DGKE: variants seen among roughly 807,000 people sequenced by gnomAD.
DGKE encodes the protein diacylglycerol kinase epsilon.
A neutral mutation model predicts 70.0 loss-of-function variants in DGKE; 53 were observed. The ratio of observed to expected loss-of-function variants is 0.76; its 90% CI spans 0.61 to 0.95. The LOEUF is 0.95. Ranked by LOEUF, DGKE falls within the 40% of genes least tolerant of loss-of-function variation. The probability of loss-of-function intolerance (pLI) is 0.00; values close to 1 mark genes in which losing one functional copy is unlikely to be tolerated. For synonymous variants in DGKE, 291 were observed against 257.0 expected (o/e 1.13, Z -1.27); for missense variants, 655 against 706.9 (o/e 0.93, Z 0.83).
intron 5 of DGKE, 52 bp downstream of exon 5, chr17:56,848,117 T>G: frequency 1.2e-6 from 1 of 828,124 alleles, no homozygotes; most frequent in Non-Finnish European, 1.5e-6. Context: ...AAATATACTA[T>G]ACATATATAT....
Position 56,848,050 on chromosome 17 carries a change from T to TC in DGKE, c.873_874insC (p.Asp292ArgfsTer5). On this transcript the variant is annotated frameshift_variant, in exon 5 of 12. Coordinates refer to ENST00000284061, the MANE Select transcript of DGKE (RefSeq NM_003647.3). LOFTEE classifies it high-confidence loss of function. ...TAGGGTGGGTCCTGGATGCAGTTGA[T>TC]GACATGAAGATTAAGGTATTAGTCT... 6.4e-7 allele frequency: 1 copy of TC among 1,569,648 alleles called. No homozygotes were observed. The highest frequency in any genetic ancestry group is 8.6e-7 in the Non-Finnish European group (1 of 1,159,114).
At position 56,862,742 on chromosome 17, in the gene DGKE, A is replaced by G. The variant is rs149958932; in HGVS notation, c.1655A>G (p.Asp552Gly). ...TATTTCTCTGGAGAACAAACAGATG[A>G]TGACATCTCTAGTACTTCGGATCAA... is the stretch of plus-strand genomic sequence containing the variant. ...MLYFSGEQTD[D>G]DISSTSDQED... Residue 552 changes from aspartate (D) to glycine (G), a missense_variant, in exon 12 of 12, where the codon GAT (aspartate) becomes GGT (glycine). By Grantham distance (94) the Asp-to-Gly change is moderately conservative. Transcript: ENST00000284061. 493 of 1,607,372 alleles carry G rather than the reference A, an allele frequency of 3.1e-4. No individual in the cohort carries two copies. Among genetic ancestry groups the G allele is most frequent in the Non-Finnish European group, 3.9e-4 (460 of 1,178,206 alleles).
chr17:56,842,593 G>A (rs1355480193), intron 2 of DGKE, among the ~76,000 whole-genome samples: 2 of 152,206 alleles, frequency 1.3e-5, no homozygotes, highest in African/African-American at 4.8e-5. Flanking sequence ...CTCTGTAACA[G>A]ATTATGCAGA....
intron 7 of DGKE, among the ~76,000 whole-genome samples, chr17:56,850,200 A>G (rs932278360): frequency 5.3e-5 from 8 of 151,546 alleles, no homozygotes; most frequent in African/African-American, 1.9e-4. Flanking sequence ...ATGACAGCTC[A>G]CTGCAGCCTC....
At chr17:56,836,684 G>A (rs1906643044) in intron 2 of DGKE, among the ~76,000 whole-genome samples, 1 of 152,084 alleles carries the variant, frequency 6.6e-6, no homozygotes, top group Non-Finnish European at 1.5e-5. Flanking sequence ...GCTCCCCATC[G>A]GGTAAGCTGA....
intron 7 of DGKE, among the ~76,000 whole-genome samples, chr17:56,855,707 G>C (rs1032464593): frequency 2.6e-5 from 4 of 152,134 alleles, no homozygotes; most frequent in Non-Finnish European, 5.9e-5. Context: ...GTTTAGAGAA[G>C]ATTAGCAAGT....
chr17:56,856,677 A>C, intron 8 of DGKE, 52 bp downstream of exon 8: 1 of 1,552,290 alleles, frequency 6.4e-7, no homozygotes. Context: ...TACAGTAAAA[A>C]TCAATAGTTC....
chr17:56,861,347 T>G (rs1908281914), intron 9 of DGKE, among the ~76,000 whole-genome samples: 1 of 152,160 alleles, frequency 6.6e-6, no homozygotes, highest in East Asian at 1.9e-4. Flanking sequence ...CTTGATCAAT[T>G]TTTTACATAA....
rs1169017554 is a variant in DGKE at position 56,868,572 on chromosome 17, GTCTGTATTTT to G, written c.*5783_*5792del. 4 of 152,202 alleles carry G rather than the reference GTCTGTATTTT, an allele frequency of 2.6e-5. No individual in the cohort carries two copies. The highest frequency in any genetic ancestry group is 9.7e-5 in the African/African-American group (4 of 41,432). 9.4% of individuals were successfully genotyped at this position (152,202 alleles called of 1,614,324 possible). A position where few individuals can be genotyped will look rare whatever the true frequency, so the allele number is the denominator to read the frequency against. On this transcript the variant is annotated 3_prime_UTR_variant, in exon 12 of 12. Coordinates refer to ENST00000284061, the MANE Select transcript of DGKE (RefSeq NM_003647.3). The stretch of plus-strand genomic sequence containing the variant: ...GTGTTAATTGCTTTTGTTGTGTTGG[GTCTGTATTTT>G]TGTGGTCAGTGCCTGCAGGCAGAAA...
Position 56,867,961 on chromosome 17 carries a change from C to T in DGKE, c.*5170C>T, listed in dbSNP as rs1908601915. On this transcript the variant is annotated 3_prime_UTR_variant, in exon 12 of 12. Coordinates refer to ENST00000284061, the MANE Select transcript of DGKE (RefSeq NM_003647.3). ...GTGTTGCTGGTATCAGATATCAGAC[C>T]AAGAACACTTCAGTCTCTCTAAGGA... The T allele has an allele frequency of 1.3e-5, 2 of 151,772 alleles. No homozygotes were observed. The highest frequency in any genetic ancestry group is 4.8e-5 in the African/African-American group (2 of 41,300). 9.4% of individuals were successfully genotyped at this position (151,772 alleles called of 1,614,324 possible). A position where few individuals can be genotyped will look rare whatever the true frequency, so the allele number is the denominator to read the frequency against.
chr17:56,843,880 G>A (rs1907135907), intron 2 of DGKE, 139 bp from the exon 3 acceptor site: 2 of 727,060 alleles, frequency 2.8e-6, no homozygotes, highest in East Asian at 3.4e-5. Flanking sequence ...TGCAGATAGT[G>A]CATATATTTT....
At chr17:56,843,978 T>C in intron 2 of DGKE, 41 bp from the exon 3 acceptor site, 1 of 1,506,186 alleles carries the variant, frequency 6.6e-7, no homozygotes, top group Non-Finnish European at 8.8e-7. Context: ...ATTGAGATTA[T>C]GGTTTAAAAT....
intron 2 of DGKE, among the ~76,000 whole-genome samples, chr17:56,842,963 G>A (rs541199438): frequency 6.6e-5 from 10 of 152,260 alleles, no homozygotes; most frequent in African/African-American, 2.4e-4. Context: ...TCAAAAGCAA[G>A]CATATGAATT....
chr17:56,861,921 A>G lies in DGKE; in HGVS notation c.1412+3A>G. 1.3e-6 allele frequency: 2 copies of G among 1,598,156 alleles called. No individual in the cohort carries two copies. The highest frequency in any genetic ancestry group is 1.1e-5 in the South Asian group (1 of 88,398). On this transcript the variant is annotated splice_donor_region_variant and intron_variant, in intron 10 of 11. Coordinates refer to ENST00000284061, the MANE Select transcript of DGKE (RefSeq NM_003647.3). ...GACGAGACTTACCCTCTAGCCAGGT[A>G]TGTACATTTGTGGTCTGTTTTTTTA...
At chr17:56,849,878 T>A (rs1034477992) in intron 7 of DGKE, among the ~76,000 whole-genome samples, 1 of 152,180 alleles carries the variant, frequency 6.6e-6, no homozygotes, top group Non-Finnish European at 1.5e-5. Context: ...GTTGGACGTT[T>A]AGGCTTATTG....
chr17:56,839,871 A>G (rs1407214578), intron 2 of DGKE, among the ~76,000 whole-genome samples: 3 of 151,418 alleles, frequency 2.0e-5, no homozygotes, highest in Non-Finnish European at 2.9e-5. Context: ...CATAATAGCT[A>G]TTATCTTGGT....
chr17:56,862,015 T>C, intron 10 of DGKE, 97 bp downstream of exon 10: 1 of 1,528,766 alleles, frequency 6.5e-7, no homozygotes, highest in Admixed American at 2.2e-5. Flanking sequence ...TTTTCTTTTT[T>C]GTGTATCTCA....
chr17:56,856,468 A>G, intron 7 of DGKE, 44 bp from the exon 8 acceptor site: 1 of 1,571,896 alleles, frequency 6.4e-7, no homozygotes, highest in Non-Finnish European at 8.6e-7. Flanking sequence ...ACTCAAGCTT[A>G]GGTGGAACCA....
chr17:56,854,696 A>G (rs1403585602), intron 7 of DGKE, among the ~76,000 whole-genome samples: 1 of 152,174 alleles, frequency 6.6e-6, no homozygotes, highest in Non-Finnish European at 1.5e-5. Context: ...AAAATGATGT[A>G]TTTCTCATTC....
Sources: allele counts gnomAD v4.1 joint callset (sites outside exome capture counted in the v4.1 genomes callset), GRCh38; gene constraint gnomAD v4.1.1; transcripts MANE v1.5; gene names NCBI Gene and HGNC (gene_info 2026-07-23, HGNC 2026-07-21).